FRMD6: variants seen among roughly 807,000 people sequenced by gnomAD.
FRMD6 encodes the protein FERM domain-containing protein 6.
In FRMD6, 37 loss-of-function variants were observed where a neutral mutation model predicts 73.2. That is an observed-to-expected ratio of 0.51 (90% CI 0.39 to 0.66). The LOEUF is 0.66. Ranked by LOEUF, FRMD6 falls within the 30% of genes least tolerant of loss-of-function variation. The probability of loss-of-function intolerance (pLI) is 0.00; values close to 1 mark genes in which losing one functional copy is unlikely to be tolerated. For synonymous variants in FRMD6, 273 were observed against 282.2 expected (o/e 0.97, Z 0.33); for missense variants, 714 against 780.5 (o/e 0.91, Z 1.02).
At chr14:51,477,753 TTTTG>T in the FRMD6 span, among the ~76,000 whole-genome samples, 1 of 89,032 alleles carries the variant, frequency 1.1e-5, no homozygotes, top group Non-Finnish European at 2.3e-5. Flanking sequence ...TTTTTTTTTT[TTTTG>T]GAGACAGAAT....
chr14:51,455,439 T>C, the FRMD6 span, among the ~76,000 whole-genome samples: 1 of 152,246 alleles, frequency 6.6e-6, no homozygotes, highest in Non-Finnish European at 1.5e-5. Context: ...TTAAAGCCTA[T>C]AAACTTCTTG....
chr14:51,505,995 A>G (rs1390814385), intron 1 of FRMD6, among the ~76,000 whole-genome samples: 1 of 152,152 alleles, frequency 6.6e-6, no homozygotes, highest in Non-Finnish European at 1.5e-5. Context: ...TTCTCCTCCA[A>G]AAACGCTTCC....
At chr14:51,539,988 C>T (rs1029700665) in intron 1 of FRMD6, among the ~76,000 whole-genome samples, 5 of 152,252 alleles carry the variant, frequency 3.3e-5, no homozygotes, top group Non-Finnish European at 7.3e-5. Context: ...CAACAAAAGG[C>T]ACACTTTGTG....
chr14:51,419,569 C>A, the FRMD6 span, among the ~76,000 whole-genome samples: 5 of 152,246 alleles, frequency 3.3e-5, no homozygotes, highest in African/African-American at 7.2e-5. Context: ...CTTTAGGAAC[C>A]AAATGAGGGA....
At chr14:51,619,033 G>T (rs971025715) in intron 2 of FRMD6, among the ~76,000 whole-genome samples, 54 of 151,746 alleles carry the variant, frequency 3.6e-4, no homozygotes, top group African/African-American at 1.1e-3. Context: ...ATCAATCATT[G>T]GGTGATTTAG....
intron 2 of FRMD6, among the ~76,000 whole-genome samples, chr14:51,641,431 AAG>A (rs1270190254): frequency 6.6e-6 from 1 of 152,124 alleles, no homozygotes; most frequent in African/African-American, 2.4e-5. Context: ...TCTGTTGAGA[AAG>A]AGTCTCCTAT....
At chr14:51,700,065 G>A (rs1383525222) in intron 3 of FRMD6, among the ~76,000 whole-genome samples, 1 of 151,882 alleles carries the variant, frequency 6.6e-6, no homozygotes, top group African/African-American at 2.4e-5. Context: ...TCAAGTCCCA[G>A]TATTCAGCTT....
intron 1 of FRMD6, among the ~76,000 whole-genome samples, chr14:51,540,686 G>A (rs1434156607): frequency 6.7e-6 from 1 of 148,392 alleles, no homozygotes; most frequent in Non-Finnish European, 1.5e-5. Flanking sequence ...TGTGCCACAA[G>A]ATACAAATAT....
chr14:51,648,515 G>A (rs1983734), upstream of FRMD6, among the ~76,000 whole-genome samples: 14 of 152,178 alleles, frequency 9.2e-5, no homozygotes, highest in Non-Finnish European at 1.9e-4. Flanking sequence ...AAAGTTTCTA[G>A]GTAATTCCAA....
At chr14:51,556,845 C>T (rs1744865699) in intron 1 of FRMD6, among the ~76,000 whole-genome samples, 1 of 103,434 alleles carries the variant, frequency 9.7e-6, no homozygotes, top group Non-Finnish European at 2.0e-5. Context: ...TCAACCAAAA[C>T]TTTATTCAAG....
At chr14:51,580,677 A>T (rs1404106827) in intron 2 of FRMD6, among the ~76,000 whole-genome samples, 1 of 152,150 alleles carries the variant, frequency 6.6e-6, no homozygotes, top group Non-Finnish European at 1.5e-5. Context: ...CTGTAATATA[A>T]CCCTCACAGA....
chr14:51,424,764 G>GCAAC, the FRMD6 span, among the ~76,000 whole-genome samples: 6 of 152,166 alleles, frequency 3.9e-5, no homozygotes, highest in Non-Finnish European at 5.9e-5. Flanking sequence ...TGGCTATTTA[G>GCAAC]CAACAATCAA....
At chr14:51,586,047 C>T (rs1290684830) in intron 2 of FRMD6, among the ~76,000 whole-genome samples, 1 of 148,834 alleles carries the variant, frequency 6.7e-6, no homozygotes, top group Non-Finnish European at 1.5e-5. Flanking sequence ...AGTAAATATA[C>T]AATGCAGGTG....
chr14:51,584,613 A>G lies in FRMD6; in HGVS notation c.-147+14203A>G, dbSNP rs577903323. Among the ~76,000 whole-genome samples the G allele has an allele frequency of 2.2e-4, 33 of 152,192 alleles. No homozygotes were observed. The South Asian group carries it at 4.1e-3, about 19-fold the overall frequency. On this transcript the variant is annotated intron_variant, in intron 2 of 14. Transcript: ENST00000356218. Reference sequence around the variant, plus strand: ...TGATCACATTCCAAGGCCCTTTGCAATTTTTCCATTAATCAGTTGCCACCA... The same window carrying G: ...TGATCACATTCCAAGGCCCTTTGCAGTTTTTCCATTAATCAGTTGCCACCA...
At chr14:51,654,982 C>T (rs1461311838) in intron 1 of FRMD6, among the ~76,000 whole-genome samples, 1 of 151,632 alleles carries the variant, frequency 6.6e-6, no homozygotes, top group Non-Finnish European at 1.5e-5. Flanking sequence ...TTTGTGTATC[C>T]TTATGGGTAA....
rs115284553 is a variant in FRMD6, at chr14:51,729,138, T to C, written c.*1109T>C. The C allele has an allele frequency of 2.0e-3, 304 of 152,322 alleles. 1 individual carries two copies. Among genetic ancestry groups the C allele is most frequent in the African/African-American group, 7.2e-3 (298 of 41,574 alleles). 9.4% of individuals were successfully genotyped at this position (152,322 alleles called of 1,614,324 possible). Reference sequence around the variant, plus strand: ...CTTTGGCCATGATTCTCAACACTGATTGTATAACAGAATTTTGGGGGGAGC... The same window carrying C: ...CTTTGGCCATGATTCTCAACACTGACTGTATAACAGAATTTTGGGGGGAGC... On this transcript the variant is annotated 3_prime_UTR_variant, in exon 14 of 14. Transcript: ENST00000344768.
chr14:51,457,750 G>C, the FRMD6 span, among the ~76,000 whole-genome samples: 1 of 152,200 alleles, frequency 6.6e-6, no homozygotes, highest in Admixed American at 6.5e-5. Context: ...ACTTTCAGTA[G>C]AGCAAAATGA....
At chr14:51,563,457 G>T (rs1417662083) in intron 1 of FRMD6, among the ~76,000 whole-genome samples, 1 of 152,148 alleles carries the variant, frequency 6.6e-6, no homozygotes, top group Non-Finnish European at 1.5e-5. Flanking sequence ...ATCACTTGAA[G>T]TCAGGAGTTC....
At chr14:51,713,552 G>T (rs575895266) in intron 9 of FRMD6, 3 of 151,996 alleles carry the variant, frequency 2.0e-5, no homozygotes, top group Non-Finnish European at 4.4e-5. Context: ...GTAGACATGG[G>T]CTTCTCTCCT....
Sources: allele counts gnomAD v4.1 joint callset (sites outside exome capture counted in the v4.1 genomes callset), GRCh38; gene constraint gnomAD v4.1.1; transcripts MANE v1.5; gene names NCBI Gene and HGNC (gene_info 2026-07-23, HGNC 2026-07-21).